Variants in ROBO2 observed in about 807,000 individuals in gnomAD.
ROBO2 encodes the protein roundabout guidance receptor 2, also known as roundabout homolog 2.
Under a neutral mutation model 160.8 loss-of-function variants are expected in ROBO2, and 53 were observed. The observed-to-expected ratio is 0.33, with a 90% CI of 0.26 to 0.41. The LOEUF is 0.41. ROBO2 is among the 10% of genes least tolerant of loss of function. ROBO2 has a pLI of 1.00. For missense variants in ROBO2, 1,577 were observed against 1,722.4 expected, an observed-to-expected ratio of 0.92 and a Z score of 1.49; for synonymous variants, 664 against 611.7, an observed-to-expected ratio of 1.09 and a Z score of -1.26.
intron 2 of ROBO2, among the ~76,000 whole-genome samples, chr3:76,995,541 G>A (rs555106875): frequency 1.8e-4 from 28 of 152,214 alleles, no homozygotes; most frequent in African/African-American, 6.0e-4. Flanking sequence ...CTTCCACAAT[G>A]GTTGAACTAG....
intron 2 of ROBO2, among the ~76,000 whole-genome samples, chr3:76,375,314 G>A (rs71626803): frequency 0.1 from 15,349 of 151,834 alleles, 843 homozygotes; most frequent in African/African-American, 0.13. Context: ...TCAAAACCAG[G>A]AAAAATGGCT....
chr3:77,012,264 A>G (rs768924360), intron 2 of ROBO2, among the ~76,000 whole-genome samples: 15 of 152,326 alleles, frequency 9.8e-5, no homozygotes, highest in Middle Eastern at 3.4e-3. Context: ...ATTTTGAGAT[A>G]TATGACTTTG....
intron 2 of ROBO2, among the ~76,000 whole-genome samples, chr3:76,711,881 A>G (rs1481490048): frequency 6.6e-6 from 1 of 152,198 alleles, no homozygotes; most frequent in Non-Finnish European, 1.5e-5. Context: ...AAGCAATGCC[A>G]AGAGCTTCCT....
intron 2 of ROBO2, among the ~76,000 whole-genome samples, chr3:76,775,243 C>T (rs2062169897): frequency 1.3e-5 from 2 of 150,608 alleles, no homozygotes; most frequent in African/African-American, 4.8e-5. Flanking sequence ...ACTGTTTTGA[C>T]AGGCTTACTG....
chr3:76,611,833 T>A (rs1391917575), intron 2 of ROBO2, among the ~76,000 whole-genome samples: 2 of 152,218 alleles, frequency 1.3e-5, no homozygotes, highest in Non-Finnish European at 2.9e-5. Context: ...GCTTTTCTAG[T>A]TCTTTAAGAT....
intron 2 of ROBO2, among the ~76,000 whole-genome samples, chr3:76,486,543 T>C (rs1209251326): frequency 6.6e-6 from 1 of 152,140 alleles, no homozygotes; most frequent in Non-Finnish European, 1.5e-5. Flanking sequence ...TCCAAAAAAA[T>C]GTTTACTCAG....
At chr3:76,049,403 A>ATATTTTTTTT (rs1414664360) in intron 2 of ROBO2, among the ~76,000 whole-genome samples, 7 of 53,752 alleles carry the variant, frequency 1.3e-4, no homozygotes, top group East Asian at 6.3e-4. Context: ...ATATATATAT[A>ATATTTTTTTT]TTTTTTTTTT....
At chr3:77,557,787 T>G (rs1183583831) in intron 8 of ROBO2, among the ~76,000 whole-genome samples, 157 bp from the exon 10 acceptor site, 2 of 151,940 alleles carry the variant, frequency 1.3e-5, no homozygotes, top group Non-Finnish European at 2.9e-5. Flanking sequence ...ATATGATAGA[T>G]TTAGAATATA....
At chr3:76,076,613 C>T (rs1158322070) in intron 2 of ROBO2, among the ~76,000 whole-genome samples, 1 of 152,066 alleles carries the variant, frequency 6.6e-6, no homozygotes, top group Non-Finnish European at 1.5e-5. Context: ...ATAGAAATTG[C>T]ATTACACTTA....
intron 2 of ROBO2, among the ~76,000 whole-genome samples, chr3:75,957,914 ATC>A (rs1382592734): frequency 6.6e-6 from 1 of 151,544 alleles, no homozygotes; most frequent in Non-Finnish European, 1.5e-5. Context: ...TAACTTTTTA[ATC>A]TCTCTCTTTT....
intron 2 of ROBO2, among the ~76,000 whole-genome samples, chr3:76,054,616 T>C (rs915716083): frequency 1.3e-5 from 2 of 152,198 alleles, no homozygotes; most frequent in Middle Eastern, 3.2e-3. Flanking sequence ...GACATAAACA[T>C]AGAGATAATA....
intron 2 of ROBO2, among the ~76,000 whole-genome samples, chr3:75,959,255 A>AGTC (rs1436383052): frequency 2.0e-5 from 3 of 151,828 alleles, no homozygotes; most frequent in African/African-American, 7.2e-5. Context: ...GACCACTGTA[A>AGTC]GTCTAGTATT....
At chr3:76,310,671 C>G (rs1490989238) in intron 2 of ROBO2, among the ~76,000 whole-genome samples, 2 of 152,176 alleles carry the variant, frequency 1.3e-5, no homozygotes, top group South Asian at 4.1e-4. Context: ...CCTGAATCCT[C>G]GTCTATCCAC....
chr3:76,654,107 A>C (rs2091379349), intron 2 of ROBO2, among the ~76,000 whole-genome samples: 1 of 152,196 alleles, frequency 6.6e-6, no homozygotes, highest in Admixed American at 6.5e-5. Context: ...TCTGTCATGC[A>C]GGCTTCGAAG....
chr3:76,358,816 C>T (rs2075330907), intron 2 of ROBO2, among the ~76,000 whole-genome samples: 1 of 151,578 alleles, frequency 6.6e-6, no homozygotes, highest in African/African-American at 2.4e-5. Flanking sequence ...TACATGTGCA[C>T]AATGTGAAGG....
At chr3:76,473,446 C>T (rs1312530263) in intron 2 of ROBO2, among the ~76,000 whole-genome samples, 1 of 152,086 alleles carries the variant, frequency 6.6e-6, no homozygotes, top group Non-Finnish European at 1.5e-5. Flanking sequence ...TCCTCTCAGA[C>T]TCTTGTAATA....
At chr3:76,455,402 A>G (rs867717008) in intron 2 of ROBO2, among the ~76,000 whole-genome samples, 4 of 152,154 alleles carry the variant, frequency 2.6e-5, no homozygotes, top group South Asian at 2.1e-4. Flanking sequence ...TATCCATTCA[A>G]TTAAATTTAT....
intron 2 of ROBO2, among the ~76,000 whole-genome samples, chr3:77,006,809 A>T (rs1361997941): frequency 6.6e-6 from 1 of 152,114 alleles, no homozygotes; most frequent in Non-Finnish European, 1.5e-5. Context: ...GTGATAAAAA[A>T]TAGGAAAGAA....
intron 2 of ROBO2, among the ~76,000 whole-genome samples, chr3:77,387,257 C>T (rs982312552): frequency 1.3e-5 from 2 of 149,196 alleles, no homozygotes; most frequent in Admixed American, 6.7e-5. Context: ...AATCCTCACA[C>T]TTTGGGAAGC....
Sources: gnomAD v4.1 joint callset for allele counts (sites outside exome capture counted in the v4.1 genomes callset) on GRCh38, gnomAD v4.1.1 for gene constraint, MANE v1.5 for transcripts, NCBI Gene and HGNC (gene_info 2026-07-23, HGNC 2026-07-21) for gene names.